The following PCDHGA1 variants were observed in gnomAD, a reference collection of about 807,000 sequenced individuals.
PCDHGA1 encodes protocadherin gamma-A1.
PCDHGA1 carries 32 observed loss-of-function variants against 58.0 expected under a neutral mutation model. The observed-to-expected ratio is 0.55, with a 90% CI of 0.42 to 0.74. PCDHGA1 has a LOEUF of 0.74. PCDHGA1 is among the 30% of genes least tolerant of loss of function. The probability of loss-of-function intolerance (pLI) is 0.00; values close to 1 mark genes in which losing one functional copy is unlikely to be tolerated. For missense variants in PCDHGA1, 1,205 were observed against 1,182.3 expected (o/e 1.02, Z -0.28); for synonymous variants, 498 against 501.1 (o/e 0.99, Z 0.08).
rs1305419943 is a variant in PCDHGA1, at chr5:141,438,625, T to C, written c.2422-56182T>C. Among the ~76,000 whole-genome samples the C allele has an allele frequency of 9.7e-4, 45 of 46,410 alleles. 2 individuals are homozygous for C. Among genetic ancestry groups the C allele is most frequent in the Admixed American group, 2.2e-3 (7 of 3,192 alleles). The allele number at this position is 46,410 out of a possible 152,430, so 30.4% of individuals were successfully genotyped here. On this transcript the variant is annotated intron_variant, in intron 1 of 3. Coordinates refer to ENST00000517417, the MANE Select transcript of PCDHGA1 (RefSeq NM_018912.3). The stretch of plus-strand genomic sequence containing the variant: ...ATATATATATATATATATATATATA[T>C]ATATATATATACACACACACACACA...
At chr5:141,397,943 C>T in intron 1 of PCDHGA1, 1 of 892,874 alleles carries the variant, frequency 1.1e-6, no homozygotes, top group South Asian at 1.8e-5. Flanking sequence ...GCGCGCTTTC[C>T]AGGGCAGCCC....
At position 141,332,352 on chromosome 5, in the gene PCDHGA1, C is replaced by A. The variant is rs773118529; in HGVS notation, c.1668C>A (p.Asn556Lys). ...VSLSLFLLDQ[N>K]DNAPEILYPA... ...TCAGCCTATTCCTGCTGGACCAGAA[C>A]GACAACGCGCCCGAGATCCTGTACC... Residue 556 changes from asparagine to lysine, a missense_variant, in exon 1 of 4, where the codon AAC becomes AAA. By Grantham distance (94) the Asn-to-Lys change is moderately conservative (BLOSUM62 0). Coordinates refer to ENST00000517417, the MANE Select transcript of PCDHGA1 (RefSeq NM_018912.3). The surrounding 1 kb of genome is among the most constrained non-coding windows in gnomAD (Gnocchi z 4.6). The A allele has an allele frequency of 6.2e-7, 1 of 1,614,064 alleles. No homozygotes were observed. The highest frequency in any genetic ancestry group is 8.5e-7 in the Non-Finnish European group (1 of 1,180,022).
chr5:141,391,895 A>C (rs1315243362), intron 1 of PCDHGA1: 1 of 152,202 alleles, frequency 6.6e-6, no homozygotes, highest in Non-Finnish European at 1.5e-5. Context: ...GATGGGATGG[A>C]GCTTTGCTTT....
chr5:141,375,892 G>T (rs753797132), intron 1 of PCDHGA1: 1 of 1,613,794 alleles, frequency 6.2e-7, no homozygotes, highest in African/African-American at 1.3e-5. Context: ...AGAACGCCTG[G>T]CTGTCCTACC....
intron 1 of PCDHGA1, chr5:141,351,157 C>A (rs748506914): frequency 2.5e-6 from 4 of 1,614,010 alleles, no homozygotes; most frequent in South Asian, 1.1e-5. Flanking sequence ...ACATCACAAC[C>A]AATGGCACAT....
At chr5:141,376,108 G>T in intron 1 of PCDHGA1, 2 of 1,613,770 alleles carry the variant, frequency 1.2e-6, no homozygotes, top group Non-Finnish European at 1.7e-6. Flanking sequence ...TGGCCGACCT[G>T]GGCAGCCTCG....
At chr5:141,506,252 C>T (rs1158047426) in intron 3 of PCDHGA1, among the ~76,000 whole-genome samples, 1 of 151,968 alleles carries the variant, frequency 6.6e-6, no homozygotes, top group African/African-American at 2.4e-5. Flanking sequence ...AGTTCGAAAC[C>T]GGCCTGGCCA....
At chr5:141,350,634 A>G (rs1251918772) in intron 1 of PCDHGA1, 1 of 1,614,046 alleles carries the variant, frequency 6.2e-7, no homozygotes, top group African/African-American at 1.3e-5. Context: ...GATATTAATG[A>G]CAATGCACCA....
At chr5:141,470,383 G>A (rs569789033) in intron 1 of PCDHGA1, among the ~76,000 whole-genome samples, 7 of 152,246 alleles carry the variant, frequency 4.6e-5, no homozygotes, top group South Asian at 2.1e-4. Context: ...AAGACTACTC[G>A]ATGATATTTA....
At chr5:141,390,538 C>A in intron 1 of PCDHGA1, 1 of 518,310 alleles carries the variant, frequency 1.9e-6, no homozygotes, top group African/African-American at 1.9e-5. Flanking sequence ...GTTTTAACCA[C>A]AAAGTGAAAG....
At chr5:141,350,163 C>T in intron 1 of PCDHGA1, 2 of 1,140,904 alleles carry the variant, frequency 1.8e-6, no homozygotes, top group Non-Finnish European at 2.3e-6. Context: ...GAGCGCCTAA[C>T]TAATAAGTCC....
intron 1 of PCDHGA1, chr5:141,355,521 G>C (rs1759885440): frequency 1.2e-6 from 2 of 1,613,948 alleles, no homozygotes; most frequent in Admixed American, 1.7e-5. Context: ...CAAACCTGGA[G>C]ATTCTTCTAG....
intron 1 of PCDHGA1, chr5:141,418,595 G>T (rs1331897624): frequency 5.6e-6 from 9 of 1,613,928 alleles, no homozygotes; most frequent in Non-Finnish European, 7.6e-6. Flanking sequence ...CAGCCAGGAC[G>T]TGTACAGGGT....
chr5:141,431,473 C>T lies in PCDHGA1; in HGVS notation c.2422-63334C>T, dbSNP rs750300971. ...TGATGGTTCTGGATGCGAACGACAA[C>T]GCACCAGCGTTTGCTCAGCCCGAGT... On this transcript the variant is annotated intron_variant, in intron 1 of 3. Coordinates refer to ENST00000517417, the MANE Select transcript of PCDHGA1 (RefSeq NM_018912.3). This position sits in a 1 kb window ranked among gnomAD's most constrained non-coding sequence, Gnocchi z 4.8. 4.3e-6 allele frequency: 7 copies of T among 1,613,832 alleles called. No individual in the cohort carries two copies. The Admixed American group carries it at 1.2e-4, about 27-fold the overall frequency.
chr5:141,426,722 T>G (rs1022367359), intron 1 of PCDHGA1: 1 of 447,734 alleles, frequency 2.2e-6, no homozygotes, highest in Non-Finnish European at 4.6e-6. Context: ...AACTAGCAAT[T>G]CCAGGCATTC....
At position 141,485,293 on chromosome 5, in the gene PCDHGA1, G is replaced by A. The variant is rs1356836741; in HGVS notation, c.2422-9514G>A. On this transcript the variant is annotated intron_variant, in intron 1 of 3. Transcript: ENST00000517417. The surrounding 1 kb of genome is among the most constrained non-coding windows in gnomAD (Gnocchi z 5.7). ...GCTACCCGGTCCCAGAGGAGTCACA[G>A]GAAGGGACTTTTGTAGGGAATGTCG... 1 of 1,614,170 alleles carries A rather than the reference G, an allele frequency of 6.2e-7. No individual in the cohort carries two copies.
chr5:141,376,643 A>T, intron 1 of PCDHGA1: 1 of 1,013,992 alleles, frequency 9.9e-7, no homozygotes, highest in Non-Finnish European at 1.4e-6. Context: ...GATTTTGTAA[A>T]GTGGAAGACT....
chr5:141,404,004 C>G (rs1219625288), intron 1 of PCDHGA1: 33 of 1,613,842 alleles, frequency 2.0e-5, no homozygotes, highest in Non-Finnish European at 2.8e-5. Flanking sequence ...ACCATTACAT[C>G]TCTGTTTAGC....
At position 141,409,535 on chromosome 5, in the gene PCDHGA1, A is replaced by G. The variant is rs745624722; in HGVS notation, c.2421+76430A>G. 5 of 1,613,894 alleles carry G rather than the reference A, an allele frequency of 3.1e-6. No homozygotes were observed. The African/African-American group carries it at 4.0e-5, about 13-fold the overall frequency. ...AAGCATCACCTTGTATGTCGCTGAC[A>G]TCAACGACAACGCCCCAGTTTTCGA... On this transcript the variant is annotated intron_variant, in intron 1 of 3. Coordinates refer to ENST00000517417, the MANE Select transcript of PCDHGA1 (RefSeq NM_018912.3).
Sources: allele counts gnomAD v4.1 joint callset (sites outside exome capture counted in the v4.1 genomes callset), GRCh38; gene constraint gnomAD v4.1.1; non-coding constraint Gnocchi (gnomAD v3.1); transcripts MANE v1.5; gene names NCBI Gene and HGNC (gene_info 2026-07-23, HGNC 2026-07-21).